LONRF3: variants seen among roughly 807,000 people sequenced by gnomAD.
LONRF3 encodes the protein LON peptidase N-terminal domain and RING finger protein 3.
A neutral mutation model predicts 51.7 loss-of-function variants in LONRF3; 19 were observed. The ratio of observed to expected loss-of-function variants is 0.37; its 90% confidence interval spans 0.26 to 0.54. LONRF3 has a LOEUF of 0.54. LONRF3 is among the 20% of genes least tolerant of loss of function. The pLI, the probability that LONRF3 is intolerant of heterozygous loss-of-function variation, is 0.86. For missense variants in LONRF3, 521 were observed against 623.9 expected, an observed-to-expected ratio of 0.84 and a Z score of 1.76; for synonymous variants, 265 against 257.8, an observed-to-expected ratio of 1.03 and a Z score of -0.27.
intron 5 of LONRF3, among the ~76,000 whole-genome samples, chrX:118,993,135 C>A (rs1302698294): frequency 2.8e-5 from 3 of 106,234 alleles, no homozygotes; most frequent in Non-Finnish European, 3.9e-5. Context: ...CCCCCAAAAA[C>A]CACACTAGTT....
intron 5 of LONRF3, among the ~76,000 whole-genome samples, chrX:118,995,986 A>T (rs1340591741): frequency 8.9e-6 from 1 of 112,215 alleles, no homozygotes; most frequent in Non-Finnish European, 1.9e-5. Context: ...TCCCTAATTC[A>T]TTCTATGAAG....
chrX:118,974,847 T>C lies in LONRF3; in HGVS notation c.67T>C (p.Ser23Pro). The change falls in exon 1 of 11, where the codon TCG (serine) becomes CCG (proline). Residue 23 changes from serine (S) to proline (P), a missense_variant. Ser to Pro is a moderately conservative substitution (Grantham distance 74). Transcript: ENST00000371628. The part of the protein sequence containing the change: ...PAEVSSDNLE[S>P]AERGASAAQV... Reference sequence around the variant, plus strand: ...TGAGGTCAGCAGCGACAACTTGGAGTCGGCGGAGCGAGGGGCATCAGCGGC... The same window carrying C: ...TGAGGTCAGCAGCGACAACTTGGAGCCGGCGGAGCGAGGGGCATCAGCGGC... 8.3e-7 allele frequency: 1 copy of C among 1,206,819 alleles called. No individual in the cohort carries two copies. Among genetic ancestry groups the C allele is most frequent in the Non-Finnish European group, 1.1e-6 (1 of 893,865 alleles).
At chrX:118,988,014 A>G (rs764903101) in intron 3 of LONRF3, among the ~76,000 whole-genome samples, 75 of 111,237 alleles carry the variant, frequency 6.7e-4, no homozygotes, top group Non-Finnish European at 1.5e-4. Context: ...AGTGGTCAGA[A>G]GTTGAGGATC....
rs749486593 is a variant in LONRF3 at position 118,987,190 on chromosome X, A to G, written c.1060-2218A>G. On this transcript the variant is annotated intron_variant, in intron 3 of 10. Coordinates refer to ENST00000371628, the MANE Select transcript of LONRF3 (RefSeq NM_001031855.3). Reference sequence around the variant, plus strand: ...TATTTTGGTTCCTGAGAAAGAAGAAATTGAGTCACTAGTGGTTCTGTTCTT... The same window carrying G: ...TATTTTGGTTCCTGAGAAAGAAGAAGTTGAGTCACTAGTGGTTCTGTTCTT... The G allele has an allele frequency of 3.8e-4, 219 of 574,950 alleles. 2 individuals carry two copies. In the South Asian group the frequency reaches 6.5e-3, roughly 17 times the overall value. The allele number at this position is 574,950 out of a possible 1,213,427, so 47.4% of individuals were successfully genotyped here. A position where few individuals can be genotyped will look rare whatever the true frequency, so the allele number is the denominator to read the frequency against.
At chrX:119,009,429 C>T (rs1043985481) in intron 7 of LONRF3, among the ~76,000 whole-genome samples, 182 bp downstream of exon 7, 8 of 111,620 alleles carry the variant, frequency 7.2e-5, no homozygotes, top group African/African-American at 2.3e-4. Context: ...CCGCTGCACC[C>T]AGAGAGCCAG....
Position 119,013,048 on chromosome X carries a change from A to G in LONRF3, c.1821A>G (p.Glu607=). Residue 607 remains glutamate, a synonymous_variant, in exon 9 of 11, where the codon GAA becomes GAG. Coordinates refer to ENST00000371628, the MANE Select transcript of LONRF3 (RefSeq NM_001031855.3). ...CATTCTCAATAAACAGGTTTGCAGAATATGGCTGCATCCTAGAGATCAGAA... is the reference window on the plus strand; with the variant it reads ...CATTCTCAATAAACAGGTTTGCAGAGTATGGCTGCATCCTAGAGATCAGAA... ...CLGDPVKGFA[E]YGCILEIRNV... is the part of the protein sequence containing the mutation. The G allele has an allele frequency of 1.7e-6, 2 of 1,211,730 alleles. No individual in the cohort carries two copies. The highest frequency in any genetic ancestry group is 2.2e-6 in the Non-Finnish European group (2 of 895,402).
chrX:119,007,288 C>G (rs1311191490), intron 6 of LONRF3, among the ~76,000 whole-genome samples: 3 of 111,618 alleles, frequency 2.7e-5, no homozygotes, highest in Admixed American at 9.5e-5. Context: ...TATTCTGTGG[C>G]TTGAAGATAA....
intron 5 of LONRF3, among the ~76,000 whole-genome samples, chrX:118,991,772 A>G (rs2147281191): frequency 9.0e-6 from 1 of 111,270 alleles, no homozygotes; most frequent in African/African-American, 3.3e-5. Context: ...CAGTGTACCT[A>G]CTCCATAGGG....
chrX:119,001,821 G>C (rs1459058006), intron 5 of LONRF3, among the ~76,000 whole-genome samples: 1 of 112,483 alleles, frequency 8.9e-6, no homozygotes, highest in African/African-American at 3.2e-5. Flanking sequence ...TAATTAGCCA[G>C]CTATATCTTT....
chrX:118,986,616 A>G (rs1922987540), intron 3 of LONRF3, among the ~76,000 whole-genome samples: 1 of 112,391 alleles, frequency 8.9e-6, no homozygotes, highest in African/African-American at 3.2e-5. Context: ...GGTGGCTCTT[A>G]ACCTTGGCTA....
intron 7 of LONRF3, among the ~76,000 whole-genome samples, chrX:119,009,934 G>A (rs1924990874): frequency 9.1e-6 from 1 of 110,176 alleles, no homozygotes; most frequent in South Asian, 4.0e-4. Context: ...CATGCCCAGC[G>A]AATTTTTGTA....
chrX:119,003,548 G>A (rs773159745), intron 5 of LONRF3, among the ~76,000 whole-genome samples: 52 of 111,973 alleles, frequency 4.6e-4, no homozygotes, highest in Non-Finnish European at 7.3e-4. Context: ...AAGAATCCAC[G>A]TCTGGATCTG....
chrX:118,984,391 T>C (rs190069045), intron 3 of LONRF3, among the ~76,000 whole-genome samples: 40 of 112,367 alleles, frequency 3.6e-4, no homozygotes, highest in Non-Finnish European at 6.4e-4. Flanking sequence ...CAAAGGCAGT[T>C]AGAAGAAACT....
intron 1 of LONRF3, chrX:118,976,748 TG>T (rs1437497843): frequency 8.8e-6 from 1 of 113,207 alleles, no homozygotes; most frequent in East Asian, 2.8e-4. Flanking sequence ...CGCCAGCCGG[TG>T]TTGCCCAGCT....
intron 1 of LONRF3, 115 bp downstream of exon 1, chrX:118,975,712 GACCCATGGACT>G: frequency 2.6e-5 from 6 of 232,996 alleles, no homozygotes; most frequent in Non-Finnish European, 3.7e-5. Context: ...GGGGGCGGGG[GACCCATGGACT>G]GTGGCGGGGT....
intron 6 of LONRF3, 142 bp downstream of exon 6, chrX:119,006,377 A>C: frequency 3.0e-6 from 1 of 331,072 alleles, no homozygotes. Context: ...ACTCCCTCAA[A>C]CCATCTATTT....
intron 1 of LONRF3, among the ~76,000 whole-genome samples, chrX:118,977,814 T>C (rs1922201961): frequency 8.9e-6 from 1 of 112,423 alleles, no homozygotes; most frequent in South Asian, 3.7e-4. Flanking sequence ...GATGGGACCA[T>C]GTAAATGTAT....
intron 1 of LONRF3, 105 bp downstream of exon 1, chrX:118,975,702 G>T (rs1337064096): frequency 2.6e-5 from 17 of 644,806 alleles, no homozygotes; most frequent in Non-Finnish European, 3.4e-5. Context: ...GGGCAGAAGA[G>T]GGGGCGGGGG....
chrX:118,978,550 C>A, intron 2 of LONRF3, 87 bp downstream of exon 2: 1 of 568,776 alleles, frequency 1.8e-6, no homozygotes, highest in Non-Finnish European at 2.9e-6. Context: ...CATAGGGGCA[C>A]TAGAGCTCAA....
Sources: gnomAD v4.1 joint callset for allele counts (sites outside exome capture counted in the v4.1 genomes callset) on GRCh38, gnomAD v4.1.1 for gene constraint, MANE v1.5 for transcripts, NCBI Gene and HGNC (gene_info 2026-07-23, HGNC 2026-07-21) for gene names.